SCN3A: variants seen among roughly 807,000 people sequenced by gnomAD.
The protein encoded by SCN3A is sodium voltage-gated channel alpha subunit 3.
SCN3A carries 60 observed loss-of-function variants against 187.6 expected under a neutral mutation model. That is an observed-to-expected ratio of 0.32 (90% CI 0.26 to 0.40). SCN3A has a LOEUF of 0.40. Among genes scored for constraint, SCN3A ranks in the 10% least tolerant of loss-of-function variants. The pLI is 1.00. For synonymous variants in SCN3A, 788 were observed against 829.2 expected (o/e 0.95, Z 0.85); for missense variants, 1,601 against 2,428.2 (o/e 0.66, Z 7.16).
Position 165,138,048 on chromosome 2 carries a change from TC to T in SCN3A, c.2221del (p.Asp741ThrfsTer7). ...YRFANVFLIW[D>X]CCDAWLKVKH... ...TACTTTTAACCATGCATCACAGCAG[TC>T]CCAGATCAAGAACACATTGGCAAAT... On this transcript the variant is annotated frameshift_variant, in exon 15 of 28. Coordinates refer to ENST00000283254, the MANE Select transcript of SCN3A (RefSeq NM_006922.4). LOFTEE classifies it high-confidence loss of function. The T allele has an allele frequency of 6.2e-7, 1 of 1,613,628 alleles. No individual in the cohort carries two copies. The highest frequency in any genetic ancestry group is 1.1e-5 in the South Asian group (1 of 91,080).
At chr2:165,192,002 T>A (rs1469174546) in intron 1 of SCN3A, among the ~76,000 whole-genome samples, 1 of 152,076 alleles carries the variant, frequency 6.6e-6, no homozygotes, top group African/African-American at 2.4e-5. Context: ...TATGGCAACA[T>A]ATTTTATAAT....
chr2:165,160,347 A>T (rs537974422), intron 9 of SCN3A, among the ~76,000 whole-genome samples: 1 of 152,298 alleles, frequency 6.6e-6, no homozygotes, highest in East Asian at 1.9e-4. Context: ...AACGTGCTTG[A>T]ATCATCCTGA....
chr2:165,147,150 T>C, intron 11 of SCN3A, 121 bp from the exon 12 acceptor site: 1 of 1,099,818 alleles, frequency 9.1e-7, no homozygotes, highest in South Asian at 1.4e-5. Flanking sequence ...CCTCTAGTCC[T>C]TTTATTTTGT....
rs747093972 is a variant in SCN3A at position 165,140,720 on chromosome 2, G to C, written c.1950C>G (p.Cys650Trp). 2.5e-6 allele frequency: 4 copies of C among 1,614,042 alleles called. No homozygotes were observed. The highest frequency in any genetic ancestry group is 3.4e-6 in the Non-Finnish European group (4 of 1,179,988). The change falls in exon 13 of 28, where the codon TGC (cysteine) becomes TGG (tryptophan). Residue 650 changes from cysteine (C) to tryptophan (W), a missense_variant. By Grantham distance (215) the Cys-to-Trp change is radical. Around this residue, in one of 11 missense-constraint regions of SCN3A, gnomAD observed 376 missense variants for 476.0 expected, o/e 0.79. Coordinates refer to ENST00000283254, the MANE Select transcript of SCN3A (RefSeq NM_006922.4). This position sits in a 1 kb window ranked among gnomAD's most constrained non-coding sequence, Gnocchi z 4.2. The part of the protein sequence containing the change: ...ANGKMHSTVD[C>W]NGVVSLVGGP... ...CACCCACCAAGGAAACCACACCATT[G>C]CAATCCACAGTGCTGTGCATCTTCC...
At chr2:165,120,149 G>A (rs1043794370) in intron 18 of SCN3A, among the ~76,000 whole-genome samples, 3 of 152,064 alleles carry the variant, frequency 2.0e-5, no homozygotes, top group Non-Finnish European at 4.4e-5. Context: ...AACATGCCTG[G>A]CTGTAGCAGA....
intron 21 of SCN3A, among the ~76,000 whole-genome samples, chr2:165,103,625 C>T (rs1274642284): frequency 2.0e-5 from 3 of 152,116 alleles, no homozygotes; most frequent in African/African-American, 7.2e-5. Flanking sequence ...CCACACCTTT[C>T]CACATTCTTA....
intron 12 of SCN3A, among the ~76,000 whole-genome samples, chr2:165,142,609 T>C (rs1191507118): frequency 6.6e-6 from 1 of 152,146 alleles, no homozygotes; most frequent in Non-Finnish European, 1.5e-5. Flanking sequence ...GATCAAGAGA[T>C]TAGATCATGT....
chr2:165,175,086 C>A (rs1370184897), intron 3 of SCN3A, among the ~76,000 whole-genome samples: 1 of 152,126 alleles, frequency 6.6e-6, no homozygotes, highest in East Asian at 1.9e-4. Context: ...AGGACTAATT[C>A]CATGTCTGAA....
At chr2:165,149,225 G>A (rs887270329) in intron 11 of SCN3A, among the ~76,000 whole-genome samples, 16 of 151,206 alleles carry the variant, frequency 1.1e-4, no homozygotes, top group African/African-American at 3.7e-4. Flanking sequence ...GCCCAGGCTG[G>A]AGTGCAATGG....
At position 165,196,759 on chromosome 2, in the gene SCN3A, T is replaced by C. The variant is rs190246410; in HGVS notation, c.-248+7064A>G. 9.2e-4 allele frequency among the ~76,000 whole-genome samples: 140 copies of C among 152,304 alleles called. 1 individual carries two copies. The highest frequency in any genetic ancestry group is 6.8e-3 in the Middle Eastern group (2 of 294). ...AAATGCATTTTGGCTTTAAAAAATA[T>C]GTTCGTTTACAGAATCTGCCTTTCC... is the stretch of plus-strand genomic sequence containing the variant. On this transcript the variant is annotated intron_variant, in intron 1 of 27. Coordinates refer to ENST00000283254, the MANE Select transcript of SCN3A (RefSeq NM_006922.4).
intron 6 of SCN3A, 43 bp downstream of exon 6, chr2:165,164,349 A>G (rs1218053120): frequency 1.9e-6 from 3 of 1,612,652 alleles, no homozygotes; most frequent in South Asian, 1.1e-5. Flanking sequence ...TACTATGACT[A>G]TTTTCACTCC....
chr2:165,091,394 A>G (rs1447497268), intron 27 of SCN3A, 49 bp from the exon 28 acceptor site: 4 of 1,607,070 alleles, frequency 2.5e-6, no homozygotes, highest in African/African-American at 2.7e-5. Flanking sequence ...TTTCACTTAC[A>G]TGATGGCTTT....
intron 21 of SCN3A, among the ~76,000 whole-genome samples, chr2:165,108,263 G>T (rs906677798): frequency 6.6e-6 from 1 of 152,016 alleles, no homozygotes; most frequent in Non-Finnish European, 1.5e-5. Flanking sequence ...TATTGAGGTT[G>T]CCAATATGTC....
At chr2:165,118,361 A>G (rs1164434346) in intron 18 of SCN3A, among the ~76,000 whole-genome samples, 1 of 152,224 alleles carries the variant, frequency 6.6e-6, no homozygotes, top group African/African-American at 2.4e-5. Flanking sequence ...TTTTCTGATT[A>G]TAAAGATAAT....
Position 165,092,009 on chromosome 2 carries a change from T to C in SCN3A, c.4807+245A>G, listed in dbSNP as rs1685130459. 1 of 558,576 alleles carries C rather than the reference T, an allele frequency of 1.8e-6. No homozygotes were observed. The highest frequency in any genetic ancestry group is 3.2e-6 in the Non-Finnish European group (1 of 313,354). 34.6% of individuals were successfully genotyped at this position (558,576 alleles called of 1,614,324 possible). A position where few individuals can be genotyped will look rare whatever the true frequency, so the allele number is the denominator to read the frequency against. On this transcript the variant is annotated intron_variant, in intron 27 of 27. Transcript: ENST00000283254. This position sits in a 1 kb window ranked among gnomAD's most constrained non-coding sequence, Gnocchi z 4.2. ...CTTGGTTTAAGATTAGGAGAGTACC[T>C]GATAATGTTTATTTCCTGTCTTCTT... is the stretch of plus-strand genomic sequence containing the variant.
chr2:165,167,195 C>A (rs1215619292), intron 5 of SCN3A, among the ~76,000 whole-genome samples: 1 of 152,126 alleles, frequency 6.6e-6, no homozygotes, highest in East Asian at 1.9e-4. Context: ...TGTTTAAATG[C>A]TTCAATAATT....
At chr2:165,097,148 T>C in intron 23 of SCN3A, 104 bp downstream of exon 23, 3 of 1,310,286 alleles carry the variant, frequency 2.3e-6, no homozygotes, top group Non-Finnish European at 2.1e-6. Flanking sequence ...TTAACTTTTT[T>C]TCATGCTGTC....
intron 7 of SCN3A, 112 bp from the exon 8 acceptor site, chr2:165,162,940 C>T: frequency 7.7e-7 from 1 of 1,301,778 alleles, no homozygotes; most frequent in Non-Finnish European, 1.1e-6. Context: ...TATTTAGACA[C>T]CAAAGCTGTA....
Position 165,176,338 on chromosome 2 carries a change from T to G in SCN3A, c.57A>C (p.Arg19Ser). 1 of 1,614,126 alleles carries G rather than the reference T, an allele frequency of 6.2e-7. No homozygotes were observed. ...GTTTTTCGATAGCAGCAAGAGATTC[T>G]CTAGTAAAAAGGCGGAAGCTTTCAG... Reference protein sequence around the residue: ...PGPESFRLFTRESLAAIEKRA... With the variant: ...PGPESFRLFTSESLAAIEKRA... The change falls in exon 3 of 28, where the codon AGA becomes AGC. Residue 19 changes from arginine to serine, a missense_variant. Arg to Ser is a moderately radical substitution (Grantham distance 110, BLOSUM62 -1). Around this residue, in one of 11 missense-constraint regions of SCN3A, gnomAD observed 74 missense variants for 77.7 expected, o/e 0.95. Transcript: ENST00000283254.
Sources: allele counts gnomAD v4.1 joint callset (sites outside exome capture counted in the v4.1 genomes callset), GRCh38; gene constraint gnomAD v4.1.1; regional missense constraint gnomAD v4.1.1; non-coding constraint Gnocchi (gnomAD v3.1); transcripts MANE v1.5; gene names NCBI Gene and HGNC (gene_info 2026-07-23, HGNC 2026-07-21).